The following NMNAT3 variants were observed in gnomAD, a reference collection of about 807,000 sequenced individuals.
The protein encoded by NMNAT3 is nicotinamide nucleotide adenylyltransferase 3, also known as nicotinamide/nicotinic acid mononucleotide adenylyltransferase 3.
In NMNAT3, 21 loss-of-function variants were observed where a neutral mutation model predicts 24.8. The ratio of observed to expected loss-of-function variants is 0.85; its 90% CI spans 0.60 to 1.22. The LOEUF (loss-of-function observed/expected upper bound fraction) is 1.22, where lower values mean the gene tolerates loss of function less well. NMNAT3 is among the 50% of genes most tolerant of loss of function. The probability of loss-of-function intolerance (pLI) is 0.00; values close to 1 mark genes in which losing one functional copy is unlikely to be tolerated. For synonymous variants in NMNAT3, 136 were observed against 155.2 expected (o/e 0.88, Z 0.92); for missense variants, 387 against 436.6 (o/e 0.89, Z 1.01).
chr3:139,608,548 C>T (rs2055048284), intron 3 of NMNAT3, among the ~76,000 whole-genome samples: 1 of 152,036 alleles, frequency 6.6e-6, no homozygotes, highest in South Asian at 2.1e-4. Context: ...TATGTTGTTT[C>T]TTTTTGTATT....
intron 1 of NMNAT3, among the ~76,000 whole-genome samples, chr3:139,653,290 T>C (rs974807003): frequency 5.3e-5 from 8 of 152,094 alleles, no homozygotes; most frequent in African/African-American, 1.9e-4. Context: ...CACCTCTCAA[T>C]GTGCCATGGA....
chr3:139,572,451 A>G (rs1938543456), intron 6 of NMNAT3, among the ~76,000 whole-genome samples: 1 of 152,156 alleles, frequency 6.6e-6, no homozygotes, highest in African/African-American at 2.4e-5. Flanking sequence ...AGCCCCCCAG[A>G]CTGGCTGTAA....
At chr3:139,654,880 A>G (rs2057185157) in intron 1 of NMNAT3, among the ~76,000 whole-genome samples, 1 of 152,202 alleles carries the variant, frequency 6.6e-6, no homozygotes, top group South Asian at 2.1e-4. Flanking sequence ...GACACACCAC[A>G]GTCATGCTTA....
chr3:139,607,020 G>A (rs2054977545), intron 3 of NMNAT3, among the ~76,000 whole-genome samples: 1 of 152,072 alleles, frequency 6.6e-6, no homozygotes, highest in Admixed American at 6.6e-5. Flanking sequence ...TTTCTCCAAG[G>A]AGCCCTGGTT....
At chr3:139,644,615 A>C (rs1360392474) in intron 1 of NMNAT3, among the ~76,000 whole-genome samples, 4 of 152,202 alleles carry the variant, frequency 2.6e-5, no homozygotes, top group Non-Finnish European at 5.9e-5. Context: ...GAAAATGTGG[A>C]GCTCTAAGAA....
chr3:139,569,988 C>T (rs1070272), intron 6 of NMNAT3: 13 of 152,204 alleles, frequency 8.5e-5, no homozygotes, highest in African/African-American at 2.2e-4. Context: ...ACCAATCAGA[C>T]GTAGATTTGG....
chr3:139,632,594 A>G (rs2056343573), intron 2 of NMNAT3, among the ~76,000 whole-genome samples: 1 of 152,240 alleles, frequency 6.6e-6, no homozygotes, highest in Non-Finnish European at 1.5e-5. Flanking sequence ...CCATCTACTC[A>G]GTGGACAACT....
intron 5 of NMNAT3, among the ~76,000 whole-genome samples, chr3:139,575,028 A>G (rs1196973250): frequency 6.6e-6 from 1 of 152,218 alleles, no homozygotes; most frequent in African/African-American, 2.4e-5. Context: ...GCTTAGCACC[A>G]GCCCATATAC....
chr3:139,611,565 C>T (rs1464115349), intron 3 of NMNAT3, among the ~76,000 whole-genome samples: 1 of 152,188 alleles, frequency 6.6e-6, no homozygotes, highest in Non-Finnish European at 1.5e-5. Flanking sequence ...GGAGCATGCG[C>T]CCTCTGAAGT....
At chr3:139,583,338 G>A in intron 3 of NMNAT3, 1 of 1,440,998 alleles carries the variant, frequency 6.9e-7, no homozygotes, top group Non-Finnish European at 9.8e-7. Context: ...AGTTTCACAA[G>A]TGGAATCTGT....
chr3:139,563,515 G>A (rs752915267), intron 6 of NMNAT3, among the ~76,000 whole-genome samples: 9 of 152,066 alleles, frequency 5.9e-5, no homozygotes, highest in East Asian at 5.8e-4. Context: ...ATTGGGTACC[G>A]TTTGATTCAT....
At chr3:139,663,806 T>C (rs963299848) in intron 1 of NMNAT3, among the ~76,000 whole-genome samples, 2 of 152,190 alleles carry the variant, frequency 1.3e-5, no homozygotes, top group Admixed American at 6.5e-5. Flanking sequence ...AAGGGGGAGA[T>C]GTAGACTTAT....
At chr3:139,601,706 G>A (rs992151365) in intron 3 of NMNAT3, among the ~76,000 whole-genome samples, 2 of 152,162 alleles carry the variant, frequency 1.3e-5, no homozygotes, top group Admixed American at 1.3e-4. Context: ...GGGGTTGGGG[G>A]TGGGGGATAA....
At chr3:139,673,991 C>T (rs1672989682) in intron 1 of NMNAT3, among the ~76,000 whole-genome samples, 1 of 152,094 alleles carries the variant, frequency 6.6e-6, no homozygotes, top group African/African-American at 2.4e-5. Flanking sequence ...ACAGAGTGTG[C>T]CTCTGCCGCT....
intron 1 of NMNAT3, among the ~76,000 whole-genome samples, chr3:139,663,487 G>T (rs528073380): frequency 6.6e-6 from 1 of 152,298 alleles, no homozygotes; most frequent in East Asian, 1.9e-4. Context: ...AAGCAATGGT[G>T]CTTACTCAAA....
At chr3:139,563,223 A>G (rs555566800) in intron 6 of NMNAT3, among the ~76,000 whole-genome samples, 2 of 152,320 alleles carry the variant, frequency 1.3e-5, no homozygotes, top group African/African-American at 2.4e-5. Flanking sequence ...CACAACACAT[A>G]TGTATATTTG....
chr3:139,653,588 TG>T (rs1559957252), intron 1 of NMNAT3, among the ~76,000 whole-genome samples: 1 of 152,232 alleles, frequency 6.6e-6, no homozygotes, highest in African/African-American at 2.4e-5. Flanking sequence ...AGCCACGTGT[TG>T]GGGTCAGGAG....
intron 6 of NMNAT3, among the ~76,000 whole-genome samples, chr3:139,563,805 A>C (rs1191737665): frequency 2.6e-5 from 4 of 152,208 alleles, no homozygotes; most frequent in African/African-American, 9.7e-5. Flanking sequence ...GAGTGACTCT[A>C]TCCAAGTCCT....
intron 6 of NMNAT3, 134 bp from the exon 7 acceptor site, chr3:139,561,526 A>T: frequency 1.2e-6 from 1 of 808,156 alleles, no homozygotes; most frequent in Non-Finnish European, 1.9e-6. Flanking sequence ...CATGACTTGA[A>T]AAGAAAAAGC....
Sources: allele counts gnomAD v4.1 joint callset (sites outside exome capture counted in the v4.1 genomes callset), GRCh38; gene constraint gnomAD v4.1.1; transcripts MANE v1.5; gene names NCBI Gene and HGNC (gene_info 2026-07-23, HGNC 2026-07-21).